Variants in IGF2BP1 observed in about 807,000 individuals in gnomAD.
IGF2BP1 encodes insulin like growth factor 2 mRNA binding protein 1, also known as insulin-like growth factor 2 mRNA-binding protein 1.
Under a neutral mutation model 74.9 loss-of-function variants are expected in IGF2BP1, and 11 were observed. The observed-to-expected ratio is 0.15, with a 90% CI of 0.09 to 0.24. The LOEUF (loss-of-function observed/expected upper bound fraction) is 0.24, where lower values mean the gene tolerates loss of function less well. IGF2BP1 is among the 10% of genes least tolerant of loss of function. IGF2BP1 has a pLI of 1.00. For missense variants in IGF2BP1, 440 were observed against 757.4 expected (o/e 0.58, Z 4.92); for synonymous variants, 287 against 281.8 (o/e 1.02, Z -0.18).
chr17:49,043,030 A>G (rs1484834448), intron 9 of IGF2BP1, among the ~76,000 whole-genome samples: 1 of 152,110 alleles, frequency 6.6e-6, no homozygotes, highest in African/African-American at 2.4e-5. Context: ...AGGACCAAAA[A>G]TGTTTAGAAT....
Position 49,055,352 on chromosome 17 carries a change from C to T in IGF2BP1, c.*5908C>T, listed in dbSNP as rs2042215036. 1 of 313,582 alleles carries T rather than the reference C, an allele frequency of 3.2e-6. No individual in the cohort carries two copies. The highest frequency in any genetic ancestry group is 2.1e-5 in the African/African-American group (1 of 46,838). The allele number at this position is 313,582 out of a possible 1,614,324, so 19.4% of individuals were successfully genotyped here. A position where few individuals can be genotyped will look rare whatever the true frequency, so the allele number is the denominator to read the frequency against. ...TGCCCCTGGCCTGTCTCACCCCATCCCCCACCCTATTCCTGCCAGTGAGTC... is the reference window on the plus strand; with the variant it reads ...TGCCCCTGGCCTGTCTCACCCCATCTCCCACCCTATTCCTGCCAGTGAGTC... On this transcript the variant is annotated 3_prime_UTR_variant, in exon 15 of 15. Transcript: ENST00000290341.
chr17:48,997,733 C>G lies in IGF2BP1; in HGVS notation c.-13C>G, dbSNP rs538916546. 1 of 1,610,836 alleles carries G rather than the reference C, an allele frequency of 6.2e-7. No homozygotes were observed. The highest frequency in any genetic ancestry group is 1.3e-5 in the African/African-American group (1 of 74,902). ...CCTTGCCCGGGACCGCGTCCTGCCC[C>G]GAGACCGCCACCATGAACAAGCTTT... is the stretch of plus-strand genomic sequence containing the variant. On this transcript the variant is annotated 5_prime_UTR_variant, in exon 1 of 15. Transcript: ENST00000290341. This position sits in a 1 kb window ranked among gnomAD's most constrained non-coding sequence, Gnocchi z 4.8.
chr17:49,001,206 A>G (rs2143914701), intron 2 of IGF2BP1, among the ~76,000 whole-genome samples: 1 of 152,318 alleles, frequency 6.6e-6, no homozygotes, highest in Admixed American at 6.5e-5. Context: ...ATGTGTCTTT[A>G]GTCTGTGTCT....
chr17:49,026,283 C>G, intron 3 of IGF2BP1, 183 bp from the exon 4 acceptor site: 1 of 572,016 alleles, frequency 1.7e-6, no homozygotes, highest in South Asian at 2.3e-5. Context: ...TAAGTACACT[C>G]CTGCAAAGAT....
At chr17:48,998,938 A>G (rs1032103507) in intron 1 of IGF2BP1, among the ~76,000 whole-genome samples, 171 bp from the exon 2 acceptor site, 2 of 152,072 alleles carry the variant, frequency 1.3e-5, no homozygotes, top group Admixed American at 6.5e-5. Context: ...AGACTCCACC[A>G]TTCCTAGAGC....
chr17:49,050,061 CG>C lies in IGF2BP1; in HGVS notation c.*619del, dbSNP rs2042150673. The C allele has an allele frequency of 6.6e-6, 1 of 152,492 alleles. No individual in the cohort carries two copies. Among genetic ancestry groups the C allele is most frequent in the African/African-American group, 2.4e-5 (1 of 41,384 alleles). 9.4% of individuals were successfully genotyped at this position (152,492 alleles called of 1,614,324 possible). Reference sequence around the variant, plus strand: ...CACTCCCTAACCAATAGGTACAATACGGAATGAAGAAGAGGGGAAAATGGGG... The same window carrying C: ...CACTCCCTAACCAATAGGTACAATACGAATGAAGAAGAGGGGAAAATGGGG... On this transcript the variant is annotated 3_prime_UTR_variant, in exon 15 of 15. Transcript: ENST00000290341.
At chr17:49,037,195 C>T in intron 5 of IGF2BP1, 1 of 479,668 alleles carries the variant, frequency 2.1e-6, no homozygotes, top group Non-Finnish European at 4.0e-6. Context: ...AGAGAAAAGG[C>T]CAGAGAGAGG....
intron 14 of IGF2BP1, among the ~76,000 whole-genome samples, chr17:49,048,070 C>T (rs1262967824): frequency 6.6e-6 from 1 of 152,082 alleles, no homozygotes; most frequent in Non-Finnish European, 1.5e-5. Flanking sequence ...AGGAGACATT[C>T]TGGTCTTCAT....
chr17:49,045,940 C>T lies in IGF2BP1; in HGVS notation c.1446C>T (p.Pro482=). 1 of 1,614,046 alleles carries T rather than the reference C, an allele frequency of 6.2e-7. No homozygotes were observed. Among genetic ancestry groups the T allele is most frequent in the Admixed American group, 1.7e-5 (1 of 60,004 alleles). The change falls in exon 13 of 15, where the codon CCC becomes CCT. Residue 482 remains proline, a synonymous_variant. Coordinates refer to ENST00000290341, the MANE Select transcript of IGF2BP1 (RefSeq NM_006546.4). The stretch of plus-strand genomic sequence containing the variant: ...TCAAGGAGGAGAACTTCTTTGGTCC[C>T]AAGGAGGAAGTGAAGCTGGAGACCC... ...GKLKEENFFG[P]KEEVKLETHI... is the part of the protein sequence containing the mutation.
chr17:48,998,412 C>T (rs2041436410), intron 1 of IGF2BP1, among the ~76,000 whole-genome samples: 1 of 152,254 alleles, frequency 6.6e-6, no homozygotes, highest in South Asian at 2.1e-4. Flanking sequence ...GAATGCAGCC[C>T]TCCAGCAGGA....
chr17:49,002,158 A>G (rs1255897006), intron 2 of IGF2BP1, among the ~76,000 whole-genome samples: 3 of 152,088 alleles, frequency 2.0e-5, no homozygotes, highest in Non-Finnish European at 4.4e-5. Flanking sequence ...ACTAAAAATG[A>G]GGTGGGCTAA....
chr17:49,033,061 C>T (rs1353289600), intron 5 of IGF2BP1, among the ~76,000 whole-genome samples: 2 of 152,224 alleles, frequency 1.3e-5, no homozygotes, highest in Non-Finnish European at 2.9e-5. Context: ...ATCCGCTTGC[C>T]TTGGCCTCCC....
chr17:49,018,815 A>G (rs544506088), intron 2 of IGF2BP1, among the ~76,000 whole-genome samples: 15 of 152,200 alleles, frequency 9.9e-5, no homozygotes, highest in East Asian at 1.9e-4. Flanking sequence ...AGTTTCCCAG[A>G]TGTGAGAAAC....
intron 2 of IGF2BP1, among the ~76,000 whole-genome samples, chr17:49,017,231 A>G (rs1450632392): frequency 6.6e-6 from 1 of 152,046 alleles, no homozygotes; most frequent in Non-Finnish European, 1.5e-5. Context: ...GGGTCCAGTG[A>G]GCAGCTCTCC....
At chr17:49,029,554 C>T (rs766478663) in intron 4 of IGF2BP1, among the ~76,000 whole-genome samples, 296 of 152,214 alleles carry the variant, frequency 1.9e-3, no homozygotes, top group Non-Finnish European at 2.9e-3. Context: ...GGTCCCCCAC[C>T]CCATGGTTGA....
At chr17:49,024,133 G>T (rs2041825011) in intron 2 of IGF2BP1, among the ~76,000 whole-genome samples, 1 of 113,302 alleles carries the variant, frequency 8.8e-6, no homozygotes, top group African/African-American at 3.5e-5. Context: ...GTTTCACCAT[G>T]TTGGCCAGGC....
Position 49,052,483 on chromosome 17 carries a change from G to C in IGF2BP1, c.*3039G>C, listed in dbSNP as rs1425151255. 1 of 152,200 alleles carries C rather than the reference G, an allele frequency of 6.6e-6. No individual in the cohort carries two copies. Among genetic ancestry groups the C allele is most frequent in the Admixed American group, 6.5e-5 (1 of 15,272 alleles). 9.4% of individuals were successfully genotyped at this position (152,200 alleles called of 1,614,324 possible). The stretch of plus-strand genomic sequence containing the variant: ...CTGATTCAGCTCCCAGAAGAGACGA[G>C]GAAGTGTGTGGCAAGGGACTGGAAA... On this transcript the variant is annotated 3_prime_UTR_variant, in exon 15 of 15. Transcript: ENST00000290341.
At chr17:49,041,816 C>CT (rs1453300699) in intron 8 of IGF2BP1, among the ~76,000 whole-genome samples, 9 of 152,218 alleles carry the variant, frequency 5.9e-5, no homozygotes, top group Non-Finnish European at 2.9e-5. Flanking sequence ...GGGCTTTAGG[C>CT]TTGTCTGTCA....
intron 4 of IGF2BP1, among the ~76,000 whole-genome samples, chr17:49,029,932 T>C (rs2041902863): frequency 6.6e-6 from 1 of 151,848 alleles, no homozygotes; most frequent in African/African-American, 2.4e-5. Context: ...AAGTGAGAAA[T>C]ATGTTTCCAG....
Sources: gnomAD v4.1 joint callset for allele counts (sites outside exome capture counted in the v4.1 genomes callset) on GRCh38, gnomAD v4.1.1 for gene constraint, Gnocchi (gnomAD v3.1) non-coding constraint, MANE v1.5 for transcripts, NCBI Gene and HGNC (gene_info 2026-07-23, HGNC 2026-07-21) for gene names.